FAM114A1: variants seen among roughly 807,000 people sequenced by gnomAD.
FAM114A1 encodes the protein family with sequence similarity 114 member A1, also known as protein NOXP20.
In FAM114A1, 62 loss-of-function variants were observed where a neutral mutation model predicts 64.3. The observed-to-expected ratio is 0.96, with a 90% CI of 0.79 to 1.19. The LOEUF (loss-of-function observed/expected upper bound fraction) is 1.19. FAM114A1 is among the 50% of genes most tolerant of loss of function. FAM114A1 has a pLI of 0.00. For synonymous variants in FAM114A1, 254 were observed against 251.1 expected, an observed-to-expected ratio of 1.01 and a Z score of -0.11; for missense variants, 645 against 676.3, an observed-to-expected ratio of 0.95 and a Z score of 0.51.
At chr4:38,869,517 G>A (rs1040530025) in intron 2 of FAM114A1, among the ~76,000 whole-genome samples, 6 of 152,140 alleles carry the variant, frequency 3.9e-5, no homozygotes, top group African/African-American at 1.4e-4. Context: ...TGGGAAGTGT[G>A]AAGATATTTA....
At chr4:38,910,740 G>A (rs556600594) in intron 7 of FAM114A1, among the ~76,000 whole-genome samples, 3 of 152,156 alleles carry the variant, frequency 2.0e-5, no homozygotes, top group Non-Finnish European at 4.4e-5. Flanking sequence ...CAGGCCAAGG[G>A]AGAACTCACG....
intron 4 of FAM114A1, among the ~76,000 whole-genome samples, chr4:38,897,155 G>T (rs1717018945): frequency 6.6e-6 from 1 of 152,234 alleles, no homozygotes; most frequent in Non-Finnish European, 1.5e-5. Context: ...ACCTGGTCCT[G>T]AATGCTGCTA....
At chr4:38,934,106 G>A (rs1285447267) in intron 12 of FAM114A1, among the ~76,000 whole-genome samples, 1 of 152,222 alleles carries the variant, frequency 6.6e-6, no homozygotes, top group Non-Finnish European at 1.5e-5. Flanking sequence ...AAAGGACAAA[G>A]TCAGGGAAGT....
chr4:38,888,450 G>T (rs1716026166), intron 3 of FAM114A1, among the ~76,000 whole-genome samples: 1 of 152,118 alleles, frequency 6.6e-6, no homozygotes, highest in African/African-American at 2.4e-5. Flanking sequence ...TTAAGCCCAG[G>T]AGTTGGAGGA....
chr4:38,914,985 C>G lies in FAM114A1; in HGVS notation c.857C>G (p.Thr286Ser). Residue 286 changes from threonine to serine, a missense_variant, in exon 8 of 15, where the codon ACC (threonine) becomes AGC (serine). By Grantham distance (58) the Thr-to-Ser change is moderately conservative (BLOSUM62 1). Coordinates refer to ENST00000358869, the MANE Select transcript of FAM114A1 (RefSeq NM_138389.4). ...GCACAGCAGCTCACGATGGAGAGAA[C>G]CGCGCACTACGGGATGCTGTTTGAT... is the stretch of plus-strand genomic sequence containing the variant. ...RLAQQLTMER[T>S]AHYGMLFDEY... 1 of 1,614,158 alleles carries G rather than the reference C, an allele frequency of 6.2e-7. No homozygotes were observed.
intron 9 of FAM114A1, among the ~76,000 whole-genome samples, chr4:38,927,856 G>A (rs1452828291): frequency 6.6e-6 from 1 of 152,062 alleles, no homozygotes; most frequent in Non-Finnish European, 1.5e-5. Context: ...GTTAATTTTT[G>A]TATTTTTAGT....
intron 10 of FAM114A1, among the ~76,000 whole-genome samples, chr4:38,931,103 C>A (rs939447265): frequency 6.6e-6 from 1 of 152,058 alleles, no homozygotes; most frequent in Non-Finnish European, 1.5e-5. Context: ...TACTATTATT[C>A]TTTTATAGAT....
chr4:38,911,832 C>CA (rs1402501300), intron 7 of FAM114A1, among the ~76,000 whole-genome samples: 1 of 121,204 alleles, frequency 8.3e-6, no homozygotes, highest in African/African-American at 3.0e-5. Flanking sequence ...TTTCTTTCTT[C>CA]TTTTTTTTTT....
In FAM114A1 at chr4:38,876,761, G is replaced by A. The variant is rs184316564; in HGVS notation, c.-8-1310G>A. ...ATGGGCTAAAGTCAAGTTGCTGGCA[G>A]CCTGATTCCTTCTAGAGTCTTTGAG... On this transcript the variant is annotated intron_variant, in intron 2 of 14. Coordinates refer to ENST00000358869, the MANE Select transcript of FAM114A1 (RefSeq NM_138389.4). 7.8e-4 allele frequency among the ~76,000 whole-genome samples: 119 copies of A among 152,362 alleles called. 3 individuals carry two copies. The highest frequency in any genetic ancestry group is 2.8e-3 in the African/African-American group (118 of 41,590).
chr4:38,917,185 T>TAAATAAATAAAAAAAA (rs952530167), intron 8 of FAM114A1, among the ~76,000 whole-genome samples: 9 of 148,904 alleles, frequency 6.0e-5, no homozygotes, highest in Admixed American at 3.3e-4. Flanking sequence ...AATAAATAAA[T>TAAATAAATAAAAAAAA]AAAAAAGCTG....
chr4:38,891,375 C>T (rs1044243131), intron 3 of FAM114A1, among the ~76,000 whole-genome samples: 5 of 152,100 alleles, frequency 3.3e-5, no homozygotes, highest in African/African-American at 1.2e-4. Context: ...GTAAGAATTG[C>T]CTGGGTCCAG....
At chr4:38,876,150 T>G (rs964921441) in intron 2 of FAM114A1, among the ~76,000 whole-genome samples, 1 of 150,542 alleles carries the variant, frequency 6.6e-6, no homozygotes. Flanking sequence ...TCAGGTATTT[T>G]CTAGACTTAT....
chr4:38,901,372 A>G (rs1717504188), intron 4 of FAM114A1, among the ~76,000 whole-genome samples: 2 of 151,950 alleles, frequency 1.3e-5, no homozygotes, highest in South Asian at 2.1e-4. Context: ...CGCTGCACCC[A>G]TGCCTCCTGG....
chr4:38,888,628 C>T (rs1326321263), intron 3 of FAM114A1, among the ~76,000 whole-genome samples: 1 of 152,194 alleles, frequency 6.6e-6, no homozygotes. Flanking sequence ...TTGAATATCC[C>T]TTTTGATTAA....
chr4:38,930,583 T>C (rs886784443), intron 10 of FAM114A1, among the ~76,000 whole-genome samples: 2 of 152,326 alleles, frequency 1.3e-5, no homozygotes, highest in Middle Eastern at 3.4e-3. Context: ...ACAGTTTTGC[T>C]GGGTTTTCTC....
chr4:38,923,514 C>G (rs1249783622), intron 9 of FAM114A1, among the ~76,000 whole-genome samples: 9 of 152,134 alleles, frequency 5.9e-5, no homozygotes, highest in Admixed American at 5.9e-4. Flanking sequence ...AGCCGCCTTG[C>G]CTGGCCTATG....
chr4:38,900,612 G>C (rs1292092714), intron 4 of FAM114A1, among the ~76,000 whole-genome samples: 1 of 152,212 alleles, frequency 6.6e-6, no homozygotes, highest in African/African-American at 2.4e-5. Context: ...GATGAACCTT[G>C]AGGACATTAT....
intron 3 of FAM114A1, among the ~76,000 whole-genome samples, chr4:38,887,986 A>G (rs1715980876): frequency 6.6e-6 from 1 of 152,152 alleles, no homozygotes; most frequent in Non-Finnish European, 1.5e-5. Context: ...TATACGCAGC[A>G]CCTGATTCTT....
chr4:38,925,219 A>G (rs981448138), intron 9 of FAM114A1, among the ~76,000 whole-genome samples: 2 of 152,166 alleles, frequency 1.3e-5, no homozygotes, highest in Non-Finnish European at 2.9e-5. Flanking sequence ...TAATATATCA[A>G]TTTTCCCAAG....
Sources: gnomAD v4.1 joint callset for allele counts (sites outside exome capture counted in the v4.1 genomes callset) on GRCh38, gnomAD v4.1.1 for gene constraint, MANE v1.5 for transcripts, NCBI Gene and HGNC (gene_info 2026-07-23, HGNC 2026-07-21) for gene names.